Variants in PCDH11X observed in about 807,000 individuals in gnomAD.
PCDH11X encodes the protein protocadherin-11 X-linked.
A neutral mutation model predicts 53.3 loss-of-function variants in PCDH11X; 18 were observed. That is an observed-to-expected ratio of 0.34 (90% CI 0.23 to 0.50). The LOEUF (loss-of-function observed/expected upper bound fraction) is 0.50. Ranked by LOEUF, PCDH11X falls within the 20% of genes least tolerant of loss-of-function variation. PCDH11X has a pLI of 0.98. For synonymous variants in PCDH11X, 279 were observed against 393.3 expected (o/e 0.71, Z 3.44); for missense variants, 570 against 1,032.4 (o/e 0.55, Z 6.14).
intron 6 of PCDH11X, among the ~76,000 whole-genome samples, chrX:92,076,860 C>T (rs1335885243): frequency 2.7e-5 from 3 of 111,822 alleles, no homozygotes; most frequent in Non-Finnish European, 5.6e-5. Flanking sequence ...TTTGAGTATT[C>T]AAATGATCTC....
intron 10 of PCDH11X, among the ~76,000 whole-genome samples, chrX:92,514,976 G>A (rs1409876399): frequency 9.8e-6 from 1 of 101,995 alleles, no homozygotes; most frequent in Non-Finnish European, 2.0e-5. Flanking sequence ...GAACCCGGGA[G>A]GCGGAGCTTG....
intron 4 of PCDH11X, among the ~76,000 whole-genome samples, chrX:91,820,766 G>C (rs1323146701): frequency 9.8e-6 from 1 of 102,266 alleles, no homozygotes; most frequent in Non-Finnish European, 1.9e-5. Flanking sequence ...GTCCTGAATG[G>C]TAATGCCTAG....
intron 10 of PCDH11X, among the ~76,000 whole-genome samples, chrX:92,588,357 C>CA (rs1924629507): frequency 1.3e-5 from 1 of 76,587 alleles, no homozygotes; most frequent in African/African-American, 7.1e-5. Flanking sequence ...TTTTCATATA[C>CA]TTGTGTGTGT....
intron 6 of PCDH11X, among the ~76,000 whole-genome samples, chrX:92,160,735 T>C (rs2065628258): frequency 9.1e-6 from 1 of 109,619 alleles, no homozygotes; most frequent in East Asian, 2.9e-4. Flanking sequence ...TTTTAGTTCT[T>C]TAAGGAATCT....
chrX:92,082,967 G>C (rs1261925271), intron 6 of PCDH11X, among the ~76,000 whole-genome samples: 1 of 111,412 alleles, frequency 9.0e-6, no homozygotes, highest in Non-Finnish European at 1.9e-5. Flanking sequence ...ATATGAAACT[G>C]TGAGTCTGTA....
intron 6 of PCDH11X, among the ~76,000 whole-genome samples, chrX:91,886,221 G>A (rs189723738): frequency 2.8e-4 from 31 of 111,089 alleles, no homozygotes; most frequent in Non-Finnish European, 4.1e-4. Context: ...GTCATTCATC[G>A]ACTACGGGAA....
chrX:92,221,644 C>T (rs1441546167), intron 7 of PCDH11X, among the ~76,000 whole-genome samples: 1 of 111,460 alleles, frequency 9.0e-6, no homozygotes, highest in Non-Finnish European at 1.9e-5. Context: ...AAAGAAACAC[C>T]ACTGAGTTTG....
intron 8 of PCDH11X, among the ~76,000 whole-genome samples, chrX:92,344,354 C>T (rs980181764): frequency 1.9e-5 from 2 of 108,098 alleles, no homozygotes; most frequent in Non-Finnish European, 3.8e-5. Context: ...AGCTAATTAA[C>T]AATGTGGCTG....
At chrX:92,376,108 T>A (rs1479668008) in intron 8 of PCDH11X, among the ~76,000 whole-genome samples, 1 of 111,756 alleles carries the variant, frequency 8.9e-6, no homozygotes, top group Non-Finnish European at 1.9e-5. Context: ...AGCTCATATT[T>A]GTAAATGTAT....
intron 1 of PCDH11X, among the ~76,000 whole-genome samples, chrX:91,786,984 A>T (rs1935356912): frequency 9.0e-6 from 1 of 110,810 alleles, no homozygotes; most frequent in Admixed American, 9.6e-5. Context: ...TTCTACTAGC[A>T]TTATATTCTC....
intron 8 of PCDH11X, among the ~76,000 whole-genome samples, chrX:92,346,965 TA>T (rs1197684467): frequency 3.6e-5 from 4 of 111,112 alleles, no homozygotes; most frequent in Admixed American, 9.6e-5. Flanking sequence ...TAATTGGTGG[TA>T]AAAAAAACTA....
At chrX:92,367,609 GGT>G (rs1423949669) in intron 8 of PCDH11X, among the ~76,000 whole-genome samples, 1 of 111,549 alleles carries the variant, frequency 9.0e-6, no homozygotes, top group African/African-American at 3.3e-5. Context: ...TTTCTGTTTT[GGT>G]GTGTTTTTGC....
At chrX:92,321,485 C>T (rs1267790579) in intron 8 of PCDH11X, among the ~76,000 whole-genome samples, 5 of 111,039 alleles carry the variant, frequency 4.5e-5, no homozygotes, top group South Asian at 3.8e-4. Flanking sequence ...CGTGAGCCAC[C>T]GCGCCCGGCC....
intron 10 of PCDH11X, among the ~76,000 whole-genome samples, chrX:92,586,898 T>C (rs771606721): frequency 7.2e-5 from 8 of 110,811 alleles, no homozygotes; most frequent in Non-Finnish European, 1.1e-4. Context: ...TAAACACTGA[T>C]GTGTCAGACC....
At chrX:92,409,933 G>T (rs1378818591) in intron 9 of PCDH11X, among the ~76,000 whole-genome samples, 4 of 111,633 alleles carry the variant, frequency 3.6e-5, no homozygotes, top group Non-Finnish European at 7.5e-5. Flanking sequence ...GCTTTCCAAA[G>T]AACTTTAAAG....
intron 10 of PCDH11X, among the ~76,000 whole-genome samples, chrX:92,511,514 T>C (rs1438020948): frequency 1.8e-5 from 2 of 112,051 alleles, no homozygotes; most frequent in Non-Finnish European, 1.9e-5. Context: ...AATGAAATAA[T>C]TTTTTTAAAC....
At chrX:91,788,984 G>T (rs1935425869) in intron 1 of PCDH11X, among the ~76,000 whole-genome samples, 1 of 110,971 alleles carries the variant, frequency 9.0e-6, no homozygotes, top group Non-Finnish European at 1.9e-5. Flanking sequence ...CAGATCACGA[G>T]GTCAAGAGAT....
chrX:91,847,138 G>C (rs1937720842), intron 5 of PCDH11X, among the ~76,000 whole-genome samples: 1 of 105,938 alleles, frequency 9.4e-6, no homozygotes, highest in Non-Finnish European at 1.9e-5. Context: ...AATTATCTTT[G>C]TGTCCTTTGT....
intron 10 of PCDH11X, among the ~76,000 whole-genome samples, chrX:92,582,657 T>G (rs1257520954): frequency 9.0e-6 from 1 of 111,081 alleles, no homozygotes; most frequent in South Asian, 3.8e-4. Context: ...CAGTGCCTAG[T>G]GGAGCTATAA....
Sources: allele counts gnomAD v4.1 joint callset (sites outside exome capture counted in the v4.1 genomes callset), GRCh38; gene constraint gnomAD v4.1.1; transcripts MANE v1.5; gene names NCBI Gene and HGNC (gene_info 2026-07-23, HGNC 2026-07-21).